The following PRKN variants were observed in gnomAD, a reference collection of about 807,000 sequenced individuals.
The protein encoded by PRKN is parkin RBR E3 ubiquitin protein ligase.
PRKN carries 56 observed loss-of-function variants against 59.5 expected under a neutral mutation model. That is an observed-to-expected ratio of 0.94 (90% CI 0.76 to 1.18). The LOEUF is 1.18. Ranked by LOEUF, PRKN falls within the 50% of genes most tolerant of loss-of-function variation. The probability of loss-of-function intolerance (pLI) is 0.00; values close to 1 mark genes in which losing one functional copy is unlikely to be tolerated. For synonymous variants in PRKN, 250 were observed against 222.1 expected (o/e 1.13, Z -1.12); for missense variants, 657 against 596.4 (o/e 1.10, Z -1.06).
chr6:162,716,189 A>C (rs960418654), intron 1 of PRKN, among the ~76,000 whole-genome samples: 5 of 152,230 alleles, frequency 3.3e-5, no homozygotes, highest in African/African-American at 1.2e-4. Flanking sequence ...TTCTGCATTC[A>C]TCTATTTAAA....
rs138977892 is a variant in PRKN, at chr6:162,195,125, G to A, written c.534+6006C>T. On this transcript the variant is annotated intron_variant, in intron 4 of 11. Coordinates refer to ENST00000366898, the MANE Select transcript of PRKN (RefSeq NM_004562.3). ...TTCGCTGTAGATTTAACACTGTAACGCGATGCAAAACAGAATGCATGGTGG... is the reference window on the plus strand; with the variant it reads ...TTCGCTGTAGATTTAACACTGTAACACGATGCAAAACAGAATGCATGGTGG... 3.4e-3 allele frequency among the ~76,000 whole-genome samples: 519 copies of A among 152,296 alleles called. 4 individuals are homozygous for A. The highest frequency in any genetic ancestry group is 0.012 in the African/African-American group (480 of 41,548).
At chr6:161,427,716 G>A (rs1015915746) in intron 9 of PRKN, among the ~76,000 whole-genome samples, 10 of 152,136 alleles carry the variant, frequency 6.6e-5, no homozygotes, top group African/African-American at 2.2e-4. Flanking sequence ...CCTTTGCTGA[G>A]GTTGGAAGTA....
Position 161,440,506 on chromosome 6 carries a change from C to A in PRKN, c.1084-53629G>T, listed in dbSNP as rs1252698281. 6.6e-6 allele frequency among the ~76,000 whole-genome samples: 1 copy of A among 152,132 alleles called. No individual in the cohort carries two copies. The highest frequency in any genetic ancestry group is 1.5e-5 in the Non-Finnish European group (1 of 68,024). ...TTGCTGCCTCTGGGAGGCTGCCTCT[C>A]GGGATAGATTGAATTGTTCTGCAAA... On this transcript the variant is annotated intron_variant, in intron 9 of 11. Coordinates refer to ENST00000366898, the MANE Select transcript of PRKN (RefSeq NM_004562.3). The surrounding 1 kb of genome is among the most constrained non-coding windows in gnomAD (Gnocchi z 4.1).
At chr6:161,688,880 C>T (rs1357035589) in intron 7 of PRKN, among the ~76,000 whole-genome samples, 1 of 152,078 alleles carries the variant, frequency 6.6e-6, no homozygotes, top group Non-Finnish European at 1.5e-5. Flanking sequence ...TTGACGTGGA[C>T]ATGGAAGGAA....
At chr6:161,885,582 G>C (rs191775466) in intron 6 of PRKN, among the ~76,000 whole-genome samples, 8 of 151,288 alleles carry the variant, frequency 5.3e-5, no homozygotes, top group African/African-American at 1.9e-4. Flanking sequence ...GGAGAATGGC[G>C]TGAACCCGGG....
At chr6:162,685,001 T>A (rs1779915392) in intron 1 of PRKN, among the ~76,000 whole-genome samples, 1 of 152,126 alleles carries the variant, frequency 6.6e-6, no homozygotes. Context: ...AATTTGTAAT[T>A]TATATATATT....
chr6:162,594,902 C>T (rs1781442448), intron 1 of PRKN, among the ~76,000 whole-genome samples: 1 of 152,136 alleles, frequency 6.6e-6, no homozygotes, highest in Non-Finnish European at 1.5e-5. Flanking sequence ...GAGCTGGGCG[C>T]GGTGGCTCAC....
intron 6 of PRKN, among the ~76,000 whole-genome samples, chr6:161,862,572 G>A (rs9458399): frequency 0.012 from 1,785 of 152,164 alleles, 35 homozygotes; most frequent in African/African-American, 0.041. Context: ...ATTCCCATGA[G>A]CTCCCCTACT....
At chr6:162,605,135 T>C (rs1562428180) in intron 1 of PRKN, among the ~76,000 whole-genome samples, 1 of 152,186 alleles carries the variant, frequency 6.6e-6, no homozygotes, top group Non-Finnish European at 1.5e-5. Context: ...TAGCTTAATA[T>C]AATAGACCAG....
At chr6:161,595,035 C>T (rs1044832990) in intron 7 of PRKN, among the ~76,000 whole-genome samples, 1 of 152,108 alleles carries the variant, frequency 6.6e-6, no homozygotes, top group Non-Finnish European at 1.5e-5. Context: ...TGGGTGGGTA[C>T]CCTTTGTGCT....
intron 1 of PRKN, among the ~76,000 whole-genome samples, chr6:162,445,653 T>C (rs543196516): frequency 8.1e-6 from 1 of 123,580 alleles, no homozygotes; most frequent in East Asian, 2.4e-4. Flanking sequence ...GGTTGTGCCA[T>C]TGCACTCAGT....
intron 1 of PRKN, among the ~76,000 whole-genome samples, chr6:162,467,085 T>C (rs1398825539): frequency 6.6e-6 from 1 of 152,168 alleles, no homozygotes; most frequent in Non-Finnish European, 1.5e-5. Context: ...TATGAGTCTT[T>C]GCTAAAATGT....
rs534649713 is a variant in PRKN at position 161,440,205 on chromosome 6, G to C, written c.1084-53328C>G. On this transcript the variant is annotated intron_variant, in intron 9 of 11. Coordinates refer to ENST00000366898, the MANE Select transcript of PRKN (RefSeq NM_004562.3). This position sits in a 1 kb window ranked among gnomAD's most constrained non-coding sequence, Gnocchi z 4.1. ...CCTGACCTCGTGATCCGCCCGTCTC[G>C]GCCTCCCAAAGTGCTGGGATTACAG... is the stretch of plus-strand genomic sequence containing the variant. 6.6e-6 allele frequency among the ~76,000 whole-genome samples: 1 copy of C among 151,872 alleles called. No individual in the cohort carries two copies. Among genetic ancestry groups the C allele is most frequent in the Non-Finnish European group, 1.5e-5 (1 of 67,976 alleles).
intron 6 of PRKN, among the ~76,000 whole-genome samples, chr6:161,892,287 C>G (rs1795371325): frequency 6.6e-6 from 1 of 151,698 alleles, no homozygotes; most frequent in African/African-American, 2.4e-5. Flanking sequence ...ATCTTTGGAC[C>G]AGCCACAGTG....
intron 6 of PRKN, among the ~76,000 whole-genome samples, chr6:161,953,390 G>GT (rs1428568873): frequency 1.4e-4 from 22 of 152,288 alleles, no homozygotes; most frequent in African/African-American, 4.8e-4. Flanking sequence ...GATTACAGGC[G>GT]TGAGCCACTG....
chr6:162,329,096 C>T lies in PRKN; in HGVS notation c.172-66331G>A, dbSNP rs149657017. Among the ~76,000 whole-genome samples the T allele has an allele frequency of 2.7e-4, 41 of 152,140 alleles. 1 individual carries two copies. Among genetic ancestry groups the T allele is most frequent in the African/African-American group, 8.9e-4 (37 of 41,414 alleles). On this transcript the variant is annotated intron_variant, in intron 2 of 11. Transcript: ENST00000366898. Reference sequence around the variant, plus strand: ...ATAAAATCTGCCAGTTTTTAACTTCCTAAATATAATGGCTAACTCTTTTAT... The same window carrying T: ...ATAAAATCTGCCAGTTTTTAACTTCTTAAATATAATGGCTAACTCTTTTAT...
chr6:161,439,859 C>T (rs1156615038), intron 9 of PRKN, among the ~76,000 whole-genome samples: 1 of 152,044 alleles, frequency 6.6e-6, no homozygotes, highest in African/African-American at 2.4e-5. Flanking sequence ...GTACTATGAG[C>T]TCAGATAGAC....
intron 1 of PRKN, among the ~76,000 whole-genome samples, chr6:162,680,219 T>C (rs889271556): frequency 5.3e-5 from 8 of 151,156 alleles, no homozygotes; most frequent in African/African-American, 1.5e-4. Context: ...AATATATGTT[T>C]ATATGTACTA....
chr6:162,600,305 GTTTA>G (rs1466055050), intron 1 of PRKN, among the ~76,000 whole-genome samples: 2 of 152,074 alleles, frequency 1.3e-5, no homozygotes, highest in African/African-American at 2.4e-5. Flanking sequence ...CATATCAGTA[GTTTA>G]TTTTTTAATT....
Sources: allele counts gnomAD v4.1 joint callset (sites outside exome capture counted in the v4.1 genomes callset), GRCh38; gene constraint gnomAD v4.1.1; non-coding constraint Gnocchi (gnomAD v3.1); transcripts MANE v1.5; gene names NCBI Gene and HGNC (gene_info 2026-07-23, HGNC 2026-07-21).